The following MRPS28 variants were observed in gnomAD, a reference collection of about 807,000 sequenced individuals.
MRPS28 encodes the protein mitochondrial ribosomal protein S28.
MRPS28 carries 7 observed loss-of-function variants against 10.8 expected under a neutral mutation model. That is an observed-to-expected ratio of 0.65 (90% CI 0.37 to 1.22). The LOEUF is 1.22. Ranked by LOEUF, MRPS28 falls within the 50% of genes most tolerant of loss-of-function variation. MRPS28 has a pLI of 0.02. For synonymous variants in MRPS28, 121 were observed against 93.3 expected (o/e 1.30, Z -1.71); for missense variants, 265 against 232.9 (o/e 1.14, Z -0.90).
At chr8:79,958,364 G>T (rs2129995040) in intron 2 of MRPS28, 1 of 698,532 alleles carries the variant, frequency 1.4e-6, no homozygotes, top group East Asian at 2.7e-5. Flanking sequence ...TCCAAAGTCA[G>T]AGTTGGAAGA....
chr8:79,991,985 T>A (rs1014872943), intron 2 of MRPS28, among the ~76,000 whole-genome samples: 3 of 150,660 alleles, frequency 2.0e-5, no homozygotes, highest in Non-Finnish European at 4.4e-5. Flanking sequence ...GGGAAGTTGC[T>A]ATGTTGTGAG....
rs1807734717 is a variant in MRPS28, at chr8:79,974,476, G to C, written c.395+28523C>G. Among the ~76,000 whole-genome samples the C allele has an allele frequency of 3.3e-5, 5 of 152,054 alleles. No individual in the cohort carries two copies. In the South Asian group the frequency reaches 1.0e-3, roughly 32 times the overall value. On this transcript the variant is annotated intron_variant, in intron 2 of 2. Transcript: ENST00000276585. Reference sequence around the variant, plus strand: ...GAATGGCGTGAACCCGAGAGGCAGAGCTTGCAGTGAGCCGAGATTTCGCCA... The same window carrying C: ...GAATGGCGTGAACCCGAGAGGCAGACCTTGCAGTGAGCCGAGATTTCGCCA...
At chr8:79,942,628 T>C (rs1310579880) in intron 2 of MRPS28, among the ~76,000 whole-genome samples, 1 of 152,230 alleles carries the variant, frequency 6.6e-6, no homozygotes, top group Admixed American at 6.5e-5. Context: ...AGTGTGAATT[T>C]ACCCAACAGT....
chr8:80,030,084 C>G lies in MRPS28; in HGVS notation c.165G>C (p.Ala55=). Residue 55 remains alanine (A), a synonymous_variant, in exon 1 of 3, where the codon GCG becomes GCC. Transcript: ENST00000276585. ...PKTRAGGFAS[A]LERHSELLQK... ...GTAGAAGCTCCGAGTGCCGCTCCAA[C>G]GCGCTCGCGAAACCGCCTGCGCGCG... 1.2e-6 allele frequency: 2 copies of G among 1,613,840 alleles called. No homozygotes were observed. Among genetic ancestry groups the G allele is most frequent in the African/African-American group, 1.3e-5 (1 of 75,060 alleles).
intron 2 of MRPS28, among the ~76,000 whole-genome samples, chr8:79,982,929 C>T (rs1430870541): frequency 1.4e-5 from 2 of 140,580 alleles, no homozygotes; most frequent in African/African-American, 5.5e-5. Flanking sequence ...TCCCAGCACA[C>T]AGCTGGAGAT....
chr8:79,996,541 C>G (rs2130138349), intron 2 of MRPS28, among the ~76,000 whole-genome samples: 1 of 152,160 alleles, frequency 6.6e-6, no homozygotes, highest in East Asian at 1.9e-4. Flanking sequence ...AACTAACTAG[C>G]CAGTTCACTA....
chr8:79,988,120 T>C (rs1345138320), intron 2 of MRPS28, among the ~76,000 whole-genome samples: 1 of 151,564 alleles, frequency 6.6e-6, no homozygotes, highest in Non-Finnish European at 1.5e-5. Context: ...ATGTCCTTTG[T>C]AGGGACATGG....
intron 1 of MRPS28, among the ~76,000 whole-genome samples, chr8:80,006,120 C>A (rs1184814912): frequency 1.3e-5 from 2 of 152,174 alleles, no homozygotes; most frequent in East Asian, 3.8e-4. Context: ...GAACTCAGCT[C>A]CACACCAAGT....
intron 2 of MRPS28, among the ~76,000 whole-genome samples, chr8:79,986,562 G>A (rs1346398858): frequency 1.3e-5 from 2 of 152,182 alleles, no homozygotes; most frequent in South Asian, 2.1e-4. Flanking sequence ...AAGCTGATAA[G>A]AAACTTCAGC....
intron 2 of MRPS28, among the ~76,000 whole-genome samples, chr8:79,926,882 T>C (rs1210600110): frequency 2.0e-5 from 3 of 152,170 alleles, no homozygotes; most frequent in Non-Finnish European, 2.9e-5. Context: ...GCAAAATCAA[T>C]AGGGTAGAGC....
At chr8:79,922,375 A>G (rs1810117286) in intron 2 of MRPS28, among the ~76,000 whole-genome samples, 1 of 152,088 alleles carries the variant, frequency 6.6e-6, no homozygotes, top group African/African-American at 2.4e-5. Flanking sequence ...AATTTCAGTT[A>G]GATAGGAGGA....
intron 2 of MRPS28, among the ~76,000 whole-genome samples, chr8:79,941,489 A>G (rs1192710531): frequency 2.0e-5 from 3 of 152,208 alleles, no homozygotes; most frequent in African/African-American, 7.2e-5. Context: ...ATAATTATTG[A>G]TAAGAAAGAT....
At chr8:79,985,808 C>T (rs987730256) in intron 2 of MRPS28, among the ~76,000 whole-genome samples, 4 of 152,040 alleles carry the variant, frequency 2.6e-5, no homozygotes, top group East Asian at 1.9e-4. Flanking sequence ...AAAAAGAGTC[C>T]AGGACCAGAT....
rs1808703411 is a variant in MRPS28 at position 80,002,965 on chromosome 8, T to C, written c.395+34A>G. 5.5e-6 allele frequency: 8 copies of C among 1,444,436 alleles called. No individual in the cohort carries two copies. The East Asian group carries it at 1.5e-4, about 26-fold the overall frequency. 89.5% of individuals were successfully genotyped at this position (1,444,436 alleles called of 1,614,324 possible). Reference sequence around the variant, plus strand: ...TTTGCGCTATCCCAACTTTTATGAATACTCTTAAGGTACTTGGAAATGATT... The same window carrying C: ...TTTGCGCTATCCCAACTTTTATGAACACTCTTAAGGTACTTGGAAATGATT... On this transcript the variant is annotated intron_variant, in intron 2 of 2. Transcript: ENST00000276585.
At chr8:80,027,916 C>A (rs1563546900) in intron 1 of MRPS28, among the ~76,000 whole-genome samples, 1 of 152,134 alleles carries the variant, frequency 6.6e-6, no homozygotes, top group Non-Finnish European at 1.5e-5. Flanking sequence ...TGCAGAGATG[C>A]TGCTGAGCCT....
chr8:80,017,899 C>T (rs752854591), intron 1 of MRPS28, among the ~76,000 whole-genome samples: 1 of 152,046 alleles, frequency 6.6e-6, no homozygotes, highest in African/African-American at 2.4e-5. Flanking sequence ...CTGAGACTTA[C>T]GACAGGTTTA....
intron 2 of MRPS28, among the ~76,000 whole-genome samples, chr8:79,922,865 A>C (rs1023018019): frequency 6.6e-6 from 1 of 151,990 alleles, no homozygotes; most frequent in African/African-American, 2.4e-5. Flanking sequence ...AATTAAAATA[A>C]CTTTATATAA....
At chr8:79,988,763 C>G (rs1399466421) in intron 2 of MRPS28, among the ~76,000 whole-genome samples, 1 of 152,278 alleles carries the variant, frequency 6.6e-6, no homozygotes, top group East Asian at 1.9e-4. Context: ...AAATGAATTT[C>G]TACTGTACAC....
chr8:80,011,319 C>T (rs141964783), intron 1 of MRPS28, among the ~76,000 whole-genome samples: 3 of 151,870 alleles, frequency 2.0e-5, no homozygotes, highest in Non-Finnish European at 2.9e-5. Flanking sequence ...GCCCACTTTC[C>T]CTATGATCTG....
Sources: allele counts gnomAD v4.1 joint callset (sites outside exome capture counted in the v4.1 genomes callset), GRCh38; gene constraint gnomAD v4.1.1; transcripts MANE v1.5; gene names NCBI Gene and HGNC (gene_info 2026-07-23, HGNC 2026-07-21).